Variants in GLIS2 observed in about 807,000 individuals in gnomAD.
GLIS2 encodes zinc finger protein GLIS2.
A neutral mutation model predicts 35.6 loss-of-function variants in GLIS2; 14 were observed. The observed-to-expected ratio is 0.39, with a 90% CI of 0.26 to 0.61. GLIS2 has a LOEUF of 0.61. GLIS2 is among the 20% of genes least tolerant of loss of function. The probability of loss-of-function intolerance (pLI) is 0.48; values close to 1 mark genes in which losing one functional copy is unlikely to be tolerated. For missense variants in GLIS2, 675 were observed against 713.4 expected (o/e 0.95, Z 0.61); for synonymous variants, 368 against 325.1 (o/e 1.13, Z -1.42).
intron 3 of GLIS2, 146 bp from the exon 4 acceptor site, chr16:4,334,655 T>C (rs2053530837): frequency 1.1e-6 from 1 of 904,324 alleles, no homozygotes; most frequent in Non-Finnish European, 1.7e-6. Context: ...AAGATCCTAG[T>C]TCCAAATAAG....
intron 1 of GLIS2, chr16:4,324,678 C>T (rs1223934690): frequency 1.3e-5 from 2 of 152,296 alleles, no homozygotes; most frequent in Non-Finnish European, 2.9e-5. Context: ...TTATTAAGCA[C>T]CTACTATGTG....
At chr16:4,317,904 G>A (rs968477881) in intron 1 of GLIS2, among the ~76,000 whole-genome samples, 1 of 152,120 alleles carries the variant, frequency 6.6e-6, no homozygotes, top group Admixed American at 6.5e-5. Context: ...CTGACCCCCT[G>A]TGCCTGCCCG....
rs1257172976 is a variant in GLIS2, at chr16:4,335,226, C to G, written c.656+33C>G. 1 of 1,613,582 alleles carries G rather than the reference C, an allele frequency of 6.2e-7. No homozygotes were observed. The highest frequency in any genetic ancestry group is 1.1e-5 in the South Asian group (1 of 91,084). On this transcript the variant is annotated intron_variant, in intron 5 of 6. Transcript: ENST00000433375. This position sits in a 1 kb window ranked among gnomAD's most constrained non-coding sequence, Gnocchi z 4.6. Reference sequence around the variant, plus strand: ...GGGGGAGAGAGGGGTAGAGGGAGGACTGGGGTCTCCAGTGAGCTGAGCCGT... The same window carrying G: ...GGGGGAGAGAGGGGTAGAGGGAGGAGTGGGGTCTCCAGTGAGCTGAGCCGT...
chr16:4,336,564 G>A, intron 6 of GLIS2, 161 bp from the exon 7 acceptor site: 1 of 753,104 alleles, frequency 1.3e-6, no homozygotes, highest in Non-Finnish European at 2.3e-6. Flanking sequence ...CCTGCCTGGG[G>A]GCAGATCTCA....
At position 4,338,002 on chromosome 16, in the gene GLIS2, C is replaced by A. The variant is rs913889241; in HGVS notation, c.*478C>A. On this transcript the variant is annotated 3_prime_UTR_variant, in exon 7 of 7. Coordinates refer to ENST00000433375, the MANE Select transcript of GLIS2 (RefSeq NM_032575.3). The stretch of plus-strand genomic sequence containing the variant: ...CCCTTCCCTCCTAGGCTTACCCAGC[C>A]CCTGCCCTGGGGGCTCCTTGGACCC... The A allele has an allele frequency of 4.3e-6, 1 of 230,990 alleles. No individual in the cohort carries two copies. The highest frequency in any genetic ancestry group is 2.3e-5 in the African/African-American group (1 of 43,640). 14.3% of individuals were successfully genotyped at this position (230,990 alleles called of 1,614,324 possible). A position where few individuals can be genotyped will look rare whatever the true frequency, so the allele number is the denominator to read the frequency against.
Position 4,337,620 on chromosome 16 carries a change from C to T in GLIS2, c.*96C>T. Reference sequence around the variant, plus strand: ...TCTGTGAAATAGCAATAATGTCCTACTGCCCGGGCAGCCCCAGCCCAGCCC... The same window carrying T: ...TCTGTGAAATAGCAATAATGTCCTATTGCCCGGGCAGCCCCAGCCCAGCCC... On this transcript the variant is annotated 3_prime_UTR_variant, in exon 7 of 7. Coordinates refer to ENST00000433375, the MANE Select transcript of GLIS2 (RefSeq NM_032575.3). 1 of 1,507,514 alleles carries T rather than the reference C, an allele frequency of 6.6e-7. No homozygotes were observed. The highest frequency in any genetic ancestry group is 8.9e-7 in the Non-Finnish European group (1 of 1,122,888). The allele number at this position is 1,507,514 out of a possible 1,614,324, so 93.4% of individuals were successfully genotyped here.
intron 1 of GLIS2, among the ~76,000 whole-genome samples, chr16:4,328,633 C>CCT (rs1389782701): frequency 6.6e-6 from 1 of 152,200 alleles, no homozygotes; most frequent in Non-Finnish European, 1.5e-5. Context: ...GGAATGAACC[C>CCT]CTGCCTCCCT....
rs1253620388 is a variant in GLIS2, at chr16:4,336,765, G to A, written c.816G>A (p.Lys272=). ...TCTGCCCCTACGAGGGCTGCAACAA[G>A]CGCTATTCCAACTCCAGTGACCGCT... ...PYVCPYEGCN[K]RYSNSSDRFK... The change falls in exon 7 of 7, where the codon AAG becomes AAA. Residue 272 remains lysine (K), a synonymous_variant. Coordinates refer to ENST00000433375, the MANE Select transcript of GLIS2 (RefSeq NM_032575.3). 6.8e-6 allele frequency: 11 copies of A among 1,611,170 alleles called. No individual in the cohort carries two copies. The highest frequency in any genetic ancestry group is 9.3e-6 in the Non-Finnish European group (11 of 1,179,188).
chr16:4,328,061 C>T (rs2053457001), intron 1 of GLIS2, among the ~76,000 whole-genome samples: 1 of 152,176 alleles, frequency 6.6e-6, no homozygotes, highest in Non-Finnish European at 1.5e-5. Flanking sequence ...CACCAGGAGG[C>T]GCAGAGGGGC....
intron 1 of GLIS2, among the ~76,000 whole-genome samples, chr16:4,325,929 TAAAAAAAAAA>T (rs58290393): frequency 2.2e-4 from 9 of 40,136 alleles, no homozygotes; most frequent in African/African-American, 1.0e-3. Flanking sequence ...CTCTGTGTCT[TAAAAAAAAAA>T]AAAAAAAAAA....
At position 4,337,593 on chromosome 16, in the gene GLIS2, C is replaced by CT; in HGVS notation, c.*71dup. ...GCACTGCCCCCGACGAACGGAAACT[C>CT]TTCTGTGAAATAGCAATAATGTCCT... On this transcript the variant is annotated 3_prime_UTR_variant, in exon 7 of 7. Coordinates refer to ENST00000433375, the MANE Select transcript of GLIS2 (RefSeq NM_032575.3). 6.5e-7 allele frequency: 1 copy of CT among 1,531,342 alleles called. No homozygotes were observed. Among genetic ancestry groups the CT allele is most frequent in the Non-Finnish European group, 8.7e-7 (1 of 1,143,240 alleles). The allele number at this position is 1,531,342 out of a possible 1,614,324, so 94.9% of individuals were successfully genotyped here. A position where few individuals can be genotyped will look rare whatever the true frequency, so the allele number is the denominator to read the frequency against.
intron 1 of GLIS2, chr16:4,325,168 G>C (rs1030746930): frequency 6.6e-6 from 1 of 152,256 alleles, no homozygotes; most frequent in African/African-American, 2.4e-5. Flanking sequence ...TGCCTGCTCT[G>C]CTATCCCTCC....
At position 4,337,556 on chromosome 16, in the gene GLIS2, C is replaced by T. The variant is rs548548255; in HGVS notation, c.*32C>T. 1.6e-4 allele frequency: 239 copies of T among 1,540,044 alleles called. No homozygotes were observed. Among genetic ancestry groups the T allele is most frequent in the Admixed American group, 3.1e-4 (16 of 51,372 alleles). ...CCTGCGGACAGTTGTGGTGCCCCCC[C>T]GGCAGCTCCCGGCACTGCCCCCGAC... On this transcript the variant is annotated 3_prime_UTR_variant, in exon 7 of 7. Transcript: ENST00000433375.
At chr16:4,336,148 A>G (rs768013064) in intron 6 of GLIS2, 1 of 200,390 alleles carries the variant, frequency 5.0e-6, no homozygotes, top group South Asian at 9.5e-5. Context: ...CTCCAAGGCC[A>G]TGGTGTCTTT....
At chr16:4,333,873 G>A (rs576352993) in intron 3 of GLIS2, among the ~76,000 whole-genome samples, 2 of 152,258 alleles carry the variant, frequency 1.3e-5, no homozygotes, top group African/African-American at 2.4e-5. Context: ...AGCACTTTAG[G>A]AGGCTAAAGT....
chr16:4,336,492 A>T, intron 6 of GLIS2: 1 of 631,428 alleles, frequency 1.6e-6, no homozygotes, highest in East Asian at 2.7e-5. Context: ...TCTGTAGCAG[A>T]GGGTGCAGGG....
chr16:4,337,302 G>A lies in GLIS2; in HGVS notation c.1353G>A (p.Val451=), dbSNP rs1390058517. The A allele has an allele frequency of 1.3e-6, 2 of 1,561,928 alleles. No homozygotes were observed. The highest frequency in any genetic ancestry group is 8.7e-7 in the Non-Finnish European group (1 of 1,155,068). Residue 451 remains valine, a synonymous_variant, in exon 7 of 7, where the codon GTG becomes GTA. Transcript: ENST00000433375. Reference sequence around the variant, plus strand: ...AGGGGGAGAAGGGGCGTGGGTCGGTGCCCACCAGGGCCCTGGGCATGGAGG... The same window carrying A: ...AGGGGGAGAAGGGGCGTGGGTCGGTACCCACCAGGGCCCTGGGCATGGAGG... ...KAEGEKGRGS[V]PTRALGMEGH...
Position 4,336,592 on chromosome 16 carries a change from G to A in GLIS2, c.776-133G>A. The A allele has an allele frequency of 1.1e-5, 10 of 877,836 alleles. No homozygotes were observed. In the South Asian group the frequency reaches 1.4e-4, roughly 12 times the overall value. The allele number at this position is 877,836 out of a possible 1,614,324, so 54.4% of individuals were successfully genotyped here. ...AGATCTCATGCCATGTGCTGGGGAT[G>A]CCCCCTGCCCCCAGAATTGGGGCAT... On this transcript the variant is annotated intron_variant, in intron 6 of 6. Transcript: ENST00000433375.
At chr16:4,327,258 T>A (rs2141125849) in intron 1 of GLIS2, among the ~76,000 whole-genome samples, 1 of 152,322 alleles carries the variant, frequency 6.6e-6, no homozygotes, top group African/African-American at 2.4e-5. Context: ...ATCTCAAGCC[T>A]CAGTTTCCCC....
Sources: allele counts gnomAD v4.1 joint callset (sites outside exome capture counted in the v4.1 genomes callset), GRCh38; gene constraint gnomAD v4.1.1; non-coding constraint Gnocchi (gnomAD v3.1); transcripts MANE v1.5; gene names NCBI Gene and HGNC (gene_info 2026-07-23, HGNC 2026-07-21).